Variants in PCDHA3 observed in about 807,000 individuals in gnomAD.
PCDHA3 encodes protocadherin alpha-3.
Under a neutral mutation model 62.2 loss-of-function variants are expected in PCDHA3, and 41 were observed. That is an observed-to-expected ratio of 0.66 (90% confidence interval 0.51 to 0.86). The LOEUF (loss-of-function observed/expected upper bound fraction) is 0.86, where lower values mean the gene tolerates loss of function less well. PCDHA3 is among the 40% of genes least tolerant of loss of function. The probability of loss-of-function intolerance (pLI) is 0.00; values close to 1 mark genes in which losing one functional copy is unlikely to be tolerated. For missense variants in PCDHA3, 1,304 were observed against 1,241.2 expected (o/e 1.05, Z -0.76); for synonymous variants, 640 against 555.4 (o/e 1.15, Z -2.14).
rs183412283 is a variant in PCDHA3 at position 140,968,329 on chromosome 5, T to C, written c.2395-10620T>C. On this transcript the variant is annotated intron_variant, in intron 1 of 3. Transcript: ENST00000522353. ...TTCAAGGGCTGCCAGTCACCTCCTA[T>C]GTCTCCATTAACAGTGCCAGTGGCA... is the stretch of plus-strand genomic sequence containing the variant. 7.7e-5 allele frequency: 125 copies of C among 1,614,150 alleles called. 1 individual carries two copies. In the East Asian group the frequency reaches 2.7e-3, roughly 34 times the overall value.
chr5:140,895,523 C>T (rs2065044928), intron 1 of PCDHA3, among the ~76,000 whole-genome samples: 1 of 152,068 alleles, frequency 6.6e-6, no homozygotes, highest in South Asian at 2.1e-4. Flanking sequence ...TTGGTTTATT[C>T]GTTTTTCAAT....
intron 1 of PCDHA3, chr5:140,816,459 G>A (rs1330630931): frequency 2.0e-5 from 3 of 152,012 alleles, no homozygotes; most frequent in African/African-American, 7.2e-5. Flanking sequence ...ACTTTGTCAA[G>A]TAATTCACAT....
chr5:140,966,938 G>A (rs1159097726), intron 1 of PCDHA3: 1 of 1,604,146 alleles, frequency 6.2e-7, no homozygotes, highest in African/African-American at 1.3e-5. Context: ...CGGCGCGCTC[G>A]TGGGCAACGT....
intron 1 of PCDHA3, chr5:140,877,704 C>A: frequency 6.2e-7 from 1 of 1,613,954 alleles, no homozygotes; most frequent in Non-Finnish European, 8.5e-7. Context: ...GCTCCAGCGC[C>A]GTGGGGAGTT....
intron 1 of PCDHA3, chr5:140,857,226 C>A (rs1266010631): frequency 6.3e-7 from 1 of 1,598,378 alleles, no homozygotes; most frequent in African/African-American, 1.3e-5. Context: ...CCTCACGTTC[C>A]GTTCAAGCTG....
At chr5:140,866,395 T>A (rs1483002508) in intron 1 of PCDHA3, 1 of 152,120 alleles carries the variant, frequency 6.6e-6, no homozygotes, top group Non-Finnish European at 1.5e-5. Context: ...AGACATAGAT[T>A]CCCATGAAAA....
intron 1 of PCDHA3, chr5:140,869,197 C>T: frequency 6.2e-7 from 1 of 1,614,026 alleles, no homozygotes; most frequent in Non-Finnish European, 8.5e-7. Context: ...CGGCCAGCTC[C>T]ACTACTCCGT....
At chr5:140,882,174 C>A (rs868925922) in intron 1 of PCDHA3, 1 of 1,514,752 alleles carries the variant, frequency 6.6e-7, no homozygotes, top group Non-Finnish European at 8.8e-7. Flanking sequence ...CGAATCCTTC[C>A]GCACTAGGAA....
At chr5:140,840,692 G>A (rs181650579) in intron 1 of PCDHA3, among the ~76,000 whole-genome samples, 1 of 151,924 alleles carries the variant, frequency 6.6e-6, no homozygotes, top group African/African-American at 2.4e-5. Flanking sequence ...TAAATAAAAC[G>A]GTTCAGGCAA....
In PCDHA3 at chr5:140,820,150, A is replaced by T. The variant is rs2150105989; in HGVS notation, c.2394+16559A>T. Among the ~76,000 whole-genome samples the T allele has an allele frequency of 5.3e-5, 8 of 152,088 alleles. No individual in the cohort carries two copies. In the South Asian group the frequency reaches 8.3e-4, roughly 16 times the overall value. On this transcript the variant is annotated intron_variant, in intron 1 of 3. Coordinates refer to ENST00000522353, the MANE Select transcript of PCDHA3 (RefSeq NM_018906.3). ...TGTATTAAAATATTTCAAAATTATC[A>T]GTATGAAAACTATTAGGCAAATAGT...
chr5:140,858,339 A>G, intron 1 of PCDHA3: 1 of 1,595,618 alleles, frequency 6.3e-7, no homozygotes, highest in African/African-American at 1.3e-5. Context: ...GGCCTGCCCA[A>G]GGCGGACCTC....
intron 1 of PCDHA3, among the ~76,000 whole-genome samples, chr5:140,962,849 T>C (rs1434907172): frequency 6.6e-6 from 1 of 152,214 alleles, no homozygotes; most frequent in African/African-American, 2.4e-5. Context: ...ATATAACTTG[T>C]GCTCGGTTTG....
At position 140,927,034 on chromosome 5, in the gene PCDHA3, G is replaced by A. The variant is rs782732545; in HGVS notation, c.2395-51915G>A. ...CTCCGCGGACTTGAGGCTGCCAGCG[G>A]CCGCTATGTCCTCGCGGAACTTTCG... On this transcript the variant is annotated intron_variant, in intron 1 of 3. Coordinates refer to ENST00000522353, the MANE Select transcript of PCDHA3 (RefSeq NM_018906.3). 6 of 1,612,400 alleles carry A rather than the reference G, an allele frequency of 3.7e-6. No individual in the cohort carries two copies. The East Asian group carries it at 8.9e-5, about 24-fold the overall frequency.
intron 1 of PCDHA3, among the ~76,000 whole-genome samples, chr5:140,901,034 T>C (rs573919271): frequency 6.6e-6 from 1 of 152,240 alleles, no homozygotes; most frequent in Non-Finnish European, 1.5e-5. Context: ...TCAACTCTTT[T>C]GCCCATTTTA....
intron 1 of PCDHA3, among the ~76,000 whole-genome samples, chr5:140,961,185 G>T (rs2095595656): frequency 6.6e-6 from 1 of 152,100 alleles, no homozygotes; most frequent in Non-Finnish European, 1.5e-5. Context: ...ACTCCTCACA[G>T]GACCCTAGTG....
chr5:140,812,843 A>AT (rs1554126068), intron 1 of PCDHA3: 5 of 152,248 alleles, frequency 3.3e-5, no homozygotes. Flanking sequence ...TTATCTTAAC[A>AT]TATTTTCTAA....
chr5:140,963,175 T>C (rs1408160891), intron 1 of PCDHA3, among the ~76,000 whole-genome samples: 1 of 152,046 alleles, frequency 6.6e-6, no homozygotes, highest in East Asian at 1.9e-4. Context: ...ATCTTACAGA[T>C]ATGCTGTAGA....
chr5:140,807,166 A>T (rs782160666), intron 1 of PCDHA3: 1 of 1,604,904 alleles, frequency 6.2e-7, no homozygotes, highest in Non-Finnish European at 8.5e-7. Flanking sequence ...ATTTAATCAG[A>T]ACAAAATACT....
chr5:140,961,247 C>T (rs527974851), intron 1 of PCDHA3, among the ~76,000 whole-genome samples: 6 of 152,070 alleles, frequency 3.9e-5, no homozygotes, highest in East Asian at 1.9e-4. Flanking sequence ...GGAATTTATC[C>T]GAAGCTCCAG....
Sources: allele counts gnomAD v4.1 joint callset (sites outside exome capture counted in the v4.1 genomes callset), GRCh38; gene constraint gnomAD v4.1.1; transcripts MANE v1.5; gene names NCBI Gene and HGNC (gene_info 2026-07-23, HGNC 2026-07-21).